PODNL1: variants seen among roughly 807,000 people sequenced by gnomAD.
The protein encoded by PODNL1 is podocan like 1, also known as podocan-like protein 1.
In PODNL1, 50 loss-of-function variants were observed where a neutral mutation model predicts 45.1. That is an observed-to-expected ratio of 1.11 (90% CI 0.88 to 1.40). The LOEUF (loss-of-function observed/expected upper bound fraction) is 1.40, where lower values mean the gene tolerates loss of function less well. Among genes scored for constraint, PODNL1 ranks in the 40% most tolerant of loss-of-function variants. PODNL1 has a pLI of 0.00. For missense variants in PODNL1, 788 were observed against 793.3 expected, an observed-to-expected ratio of 0.99 and a Z score of 0.08; for synonymous variants, 406 against 372.5, an observed-to-expected ratio of 1.09 and a Z score of -1.04.
In PODNL1 at chr19:13,933,518, G is replaced by A. The variant is rs577780298; in HGVS notation, c.768-63C>T. The A allele has an allele frequency of 2.0e-6, 3 of 1,491,696 alleles. No homozygotes were observed. The African/African-American group carries it at 4.2e-5, about 21-fold the overall frequency. 92.4% of individuals were successfully genotyped at this position (1,491,696 alleles called of 1,614,324 possible). ...GGAGTGGGGTGCCTGACAGATTTTG[G>A]CGGGGAGGCTGGGGAGTGGTCCTGA... is the stretch of plus-strand genomic sequence containing the variant. On this transcript the variant is annotated intron_variant, in intron 7 of 9. Transcript: ENST00000588872. This position sits in a 1 kb window ranked among gnomAD's most constrained non-coding sequence, Gnocchi z 5.2.
chr19:13,939,551 G>T (rs780494883), upstream of PODNL1, among the ~76,000 whole-genome samples: 9 of 151,926 alleles, frequency 5.9e-5, no homozygotes, highest in Non-Finnish European at 1.0e-4. Context: ...GACCAGACTG[G>T]GCAATATAGT....
Position 13,933,251 on chromosome 19 carries a change from C to G in PODNL1, c.972G>C (p.Gly324=), listed in dbSNP as rs1249844511. The G allele has an allele frequency of 3.2e-6, 5 of 1,549,806 alleles. No individual in the cohort carries two copies. Among genetic ancestry groups the G allele is most frequent in the Admixed American group, 1.9e-5 (1 of 51,938 alleles). Reference sequence around the variant, plus strand: ...GCAGGCCCCGCAGCGGCCGCAGAGCCCCGGCGGGCAGCCCTGAGCTCCCCA... The same window carrying G: ...GCAGGCCCCGCAGCGGCCGCAGAGCGCCGGCGGGCAGCCCTGAGCTCCCCA... ...NQLGSSGLPA[G]ALRPLRGLHT... Residue 324 remains glycine (G), a synonymous_variant, in exon 8 of 10, where the codon GGG becomes GGC. Transcript: ENST00000588872. The surrounding 1 kb of genome is among the most constrained non-coding windows in gnomAD (Gnocchi z 5.2).
Position 13,935,794 on chromosome 19 carries a change from G to C in PODNL1, c.421C>G (p.Arg141Gly). ...VAPQFLPRSL[R>G]VADLAANQVM... is the part of the protein sequence containing the mutation. ...TGGTTGGCAGCCAGATCCGCGACACGGAGGGACCGGGGCAGAAACTGAGGG... is the reference window on the plus strand; with the variant it reads ...TGGTTGGCAGCCAGATCCGCGACACCGAGGGACCGGGGCAGAAACTGAGGG... Residue 141 changes from arginine (R) to glycine (G), a missense_variant, in exon 5 of 10, where the codon CGT becomes GGT. Arg to Gly is a moderately radical substitution (Grantham distance 125, BLOSUM62 -2). Around this residue, in one of 3 missense-constraint regions of PODNL1, gnomAD observed 762 missense variants for 750.9 expected, o/e 1.01. Coordinates refer to ENST00000588872, the MANE Select transcript of PODNL1 (RefSeq NM_001370095.3). 6.3e-7 allele frequency: 1 copy of C among 1,599,822 alleles called. No individual in the cohort carries two copies. The highest frequency in any genetic ancestry group is 8.5e-7 in the Non-Finnish European group (1 of 1,175,866).
At chr19:13,943,845 C>G (rs1395680622) in intron 1 of PODNL1, among the ~76,000 whole-genome samples, 1 of 152,116 alleles carries the variant, frequency 6.6e-6, no homozygotes, top group East Asian at 1.9e-4. Context: ...ATCTCAAGAT[C>G]CTTAACTGAA....
At chr19:13,949,258 C>T (rs892710932) in intron 1 of PODNL1, 1 of 151,940 alleles carries the variant, frequency 6.6e-6, no homozygotes. Flanking sequence ...CCGTGCCTGG[C>T]CCCTTTGAAT....
rs1043626348 is a variant in PODNL1 at position 13,931,597 on chromosome 19, C to T, written c.*140G>A. ...ATGCCAGCTGTGTGCCTCTGTGTCT[C>T]GGCCAGTGGCAGGCAGAGCAGGCCC... is the stretch of plus-strand genomic sequence containing the variant. On this transcript the variant is annotated 3_prime_UTR_variant, in exon 10 of 10. Transcript: ENST00000588872. 11 of 929,680 alleles carry T rather than the reference C, an allele frequency of 1.2e-5. No homozygotes were observed. The highest frequency in any genetic ancestry group is 1.0e-4 in the African/African-American group (6 of 58,404). The allele number at this position is 929,680 out of a possible 1,614,324, so 57.6% of individuals were successfully genotyped here. A position where few individuals can be genotyped will look rare whatever the true frequency, so the allele number is the denominator to read the frequency against.
chr19:13,942,260 C>T (rs1972678608), upstream of PODNL1, among the ~76,000 whole-genome samples: 1 of 152,156 alleles, frequency 6.6e-6, no homozygotes, highest in Admixed American at 6.6e-5. Context: ...CCAGTGATCT[C>T]TTCTAGATGA....
chr19:13,953,162 G>A (rs1364511585), exon 1 of PODNL1: 3 of 1,534,928 alleles, frequency 2.0e-6, no homozygotes, highest in East Asian at 2.6e-5. Context: ...TCCCTGGATA[G>A]GGCTGAGTCT....
intron 1 of PODNL1, among the ~76,000 whole-genome samples, chr19:13,950,771 G>A (rs1243160589): frequency 1.3e-5 from 2 of 152,150 alleles, no homozygotes; most frequent in African/African-American, 2.4e-5. Flanking sequence ...ATGGCCGGGC[G>A]CAGTGGCTCA....
upstream of PODNL1, among the ~76,000 whole-genome samples, chr19:13,940,937 C>A (rs1239114444): frequency 6.6e-6 from 1 of 151,768 alleles, no homozygotes; most frequent in Non-Finnish European, 1.5e-5. Flanking sequence ...TCCCAGCTAC[C>A]AGGGAGGCTG....
chr19:13,949,914 G>T (rs1292410852), intron 1 of PODNL1, among the ~76,000 whole-genome samples: 1 of 151,762 alleles, frequency 6.6e-6, no homozygotes, highest in Non-Finnish European at 1.5e-5. Context: ...AGGCTGCAGT[G>T]CAGTGGCGTG....
At chr19:13,944,253 C>T (rs950369671) in intron 1 of PODNL1, among the ~76,000 whole-genome samples, 1 of 149,166 alleles carries the variant, frequency 6.7e-6, no homozygotes, top group African/African-American at 2.5e-5. Context: ...AGCTCCGCCT[C>T]CCGGGTTCAC....
Position 13,936,488 on chromosome 19 carries a change from ACCCGTGAC to A in PODNL1, c.226-36_226-29del, listed in dbSNP as rs1972361622. On this transcript the variant is annotated intron_variant, in intron 2 of 9. Transcript: ENST00000588872. ...GCAGGGTGAGAGTTGGGGTGTTCACACCCGTGACCCCGTGACCAAGTGACCCCAAGCAC... is the reference window on the plus strand; with the variant it reads ...GCAGGGTGAGAGTTGGGGTGTTCACACCCGTGACCAAGTGACCCCAAGCAC... The A allele has an allele frequency of 2.5e-6, 4 of 1,576,180 alleles. No homozygotes were observed. The South Asian group carries it at 3.3e-5, about 13-fold the overall frequency.
rs1384723812 is a variant in PODNL1 at position 13,938,276 on chromosome 19, C to T, written c.-95G>A. On this transcript the variant is annotated 5_prime_UTR_variant, in exon 1 of 10. It adds an upstream start codon to the 5' untranslated region. Coordinates refer to ENST00000588872, the MANE Select transcript of PODNL1 (RefSeq NM_001370095.3). ...CCTCCTGGAGCCTCTGCTGTGGCCA[C>T]CACCGCCCCCCATCTCCAGACCCAT... is the stretch of plus-strand genomic sequence containing the variant. 5 of 1,503,002 alleles carry T rather than the reference C, an allele frequency of 3.3e-6. No homozygotes were observed. In the African/African-American group the frequency reaches 4.2e-5, roughly 13 times the overall value. 93.1% of individuals were successfully genotyped at this position (1,503,002 alleles called of 1,614,324 possible). A position where few individuals can be genotyped will look rare whatever the true frequency, so the allele number is the denominator to read the frequency against.
At chr19:13,935,690 G>A (rs1412696055) in intron 5 of PODNL1, 31 bp downstream of exon 5, 2 of 1,459,372 alleles carry the variant, frequency 1.4e-6, no homozygotes, top group Non-Finnish European at 1.8e-6. Context: ...TGTATCTGAG[G>A]CCTGGGGGCC....
intron 9 of PODNL1, 32 bp downstream of exon 9, chr19:13,931,932 C>T (rs951665642): frequency 5.1e-5 from 63 of 1,232,128 alleles, no homozygotes; most frequent in African/African-American, 4.7e-5. Context: ...CTCCCCTGCC[C>T]ACCTCCACCC....
At chr19:13,937,650 A>T in intron 2 of PODNL1, 135 bp downstream of exon 2, 5 of 787,100 alleles carry the variant, frequency 6.4e-6, no homozygotes, top group Non-Finnish European at 1.0e-5. Flanking sequence ...GCTCCATCAC[A>T]GCCTGCTCTG....
upstream of PODNL1, among the ~76,000 whole-genome samples, chr19:13,940,699 A>G (rs192873451): frequency 3.3e-5 from 5 of 151,904 alleles, no homozygotes; most frequent in African/African-American, 7.2e-5. Context: ...CCTGGCCAAC[A>G]TGGCGAAACC....
At position 13,937,867 on chromosome 19, in the gene PODNL1, A is replaced by G; in HGVS notation, c.143T>C (p.Val48Ala). 1 of 1,588,430 alleles carries G rather than the reference A, an allele frequency of 6.3e-7. No homozygotes were observed. Among genetic ancestry groups the G allele is most frequent in the South Asian group, 1.1e-5 (1 of 87,190 alleles). The change falls in exon 2 of 10, where the codon GTC (valine) becomes GCC (alanine). Residue 48 changes from valine to alanine, a missense_variant. This residue lies in a region of PODNL1 where 762 missense variants were observed against 750.9 expected (regional missense o/e 1.01). Transcript: ENST00000588872. ...CAAGCCATCACAGTCCACAGTGTCGACTCGGGGGCAGGAGCAGCGCAGGGG... is the reference window on the plus strand; with the variant it reads ...CAAGCCATCACAGTCCACAGTGTCGGCTCGGGGGCAGGAGCAGCGCAGGGG... ...ACPLRCSCPRVDTVDCDGLDL... is the reference protein window; with the variant it reads ...ACPLRCSCPRADTVDCDGLDL...
Sources: gnomAD v4.1 joint callset for allele counts (sites outside exome capture counted in the v4.1 genomes callset) on GRCh38, gnomAD v4.1.1 for gene constraint, gnomAD v4.1.1 regional missense constraint, Gnocchi (gnomAD v3.1) non-coding constraint, MANE v1.5 for transcripts, NCBI Gene and HGNC (gene_info 2026-07-23, HGNC 2026-07-21) for gene names.